TRAK1: variants seen among roughly 807,000 people sequenced by gnomAD.
TRAK1 encodes the protein trafficking kinesin protein 1, also known as trafficking kinesin-binding protein 1.
A neutral mutation model predicts 92.1 loss-of-function variants in TRAK1; 33 were observed. The ratio of observed to expected loss-of-function variants is 0.36; its 90% CI spans 0.27 to 0.48. The LOEUF is 0.48. Ranked by LOEUF, TRAK1 falls within the 20% of genes least tolerant of loss-of-function variation. The pLI, the probability that TRAK1 is intolerant of heterozygous loss-of-function variation, is 0.99. For missense variants in TRAK1, 1,123 were observed against 1,257.9 expected (o/e 0.89, Z 1.62); for synonymous variants, 521 against 517.3 (o/e 1.01, Z -0.10).
intron 13 of TRAK1, chr3:42,203,086 T>G: frequency 8.1e-7 from 1 of 1,232,416 alleles, no homozygotes; most frequent in East Asian, 3.1e-5. Flanking sequence ...GCTAACTGAT[T>G]CAAAAATTAA....
upstream of TRAK1, among the ~76,000 whole-genome samples, chr3:42,088,890 A>C (rs1704833260): frequency 6.6e-6 from 1 of 151,996 alleles, no homozygotes; most frequent in Non-Finnish European, 1.5e-5. Flanking sequence ...CTTTGCTCTT[A>C]TGTGTGCACC....
intron 1 of TRAK1, among the ~76,000 whole-genome samples, chr3:42,016,654 G>A (rs1192153110): frequency 6.6e-6 from 1 of 152,148 alleles, no homozygotes; most frequent in Non-Finnish European, 1.5e-5. Flanking sequence ...TCTCCTCTCC[G>A]TCAGCTGTCG....
At chr3:42,063,997 T>A (rs1703566159) in intron 1 of TRAK1, among the ~76,000 whole-genome samples, 2 of 152,204 alleles carry the variant, frequency 1.3e-5, no homozygotes, top group Admixed American at 1.3e-4. Context: ...TGAGAAGCCC[T>A]GGTGGCCATG....
intron 2 of TRAK1, among the ~76,000 whole-genome samples, chr3:42,146,932 A>G (rs2173335): frequency 0.51 from 77,416 of 152,048 alleles, 21,992 homozygotes; most frequent in East Asian, 0.94. Flanking sequence ...ACTGGCGAAC[A>G]TTGCTGATTT....
Position 42,048,566 on chromosome 3 carries a change from C to CTT in TRAK1, c.-519+34463_-519+34464dup, listed in dbSNP as rs373744402. The stretch of plus-strand genomic sequence containing the variant: ...TCTTTTTTTCCTCTACAGTTCTTTT[C>CTT]TTTTTTTTTTTTTTTGAGACAGTGT... On this transcript the variant is annotated intron_variant, in intron 1 of 16. Coordinates refer to the TRAK1 transcript ENST00000487159. Among the ~76,000 whole-genome samples, 494 of 136,514 alleles carry CTT rather than the reference C, an allele frequency of 3.6e-3. 7 individuals are homozygous for CTT. Among genetic ancestry groups the CTT allele is most frequent in the African/African-American group, 9.2e-3 (335 of 36,462 alleles). 89.6% of individuals were successfully genotyped at this position (136,514 alleles called of 152,430 possible).
At chr3:42,024,944 G>A (rs938168873) in intron 1 of TRAK1, among the ~76,000 whole-genome samples, 1 of 152,164 alleles carries the variant, frequency 6.6e-6, no homozygotes, top group Non-Finnish European at 1.5e-5. Flanking sequence ...CAGTGCCAAC[G>A]TGAGTCTCCT....
At position 42,018,480 on chromosome 3, in the gene TRAK1, T is replaced by G. The variant is rs1336639865; in HGVS notation, c.-519+4363T>G. 5.3e-5 allele frequency among the ~76,000 whole-genome samples: 8 copies of G among 152,154 alleles called. No individual in the cohort carries two copies. The East Asian group carries it at 1.5e-3, about 29-fold the overall frequency. On this transcript the variant is annotated intron_variant, in intron 1 of 16. Transcript: ENST00000487159. ...AGAGGAAGTGGATTTTGTACTAACA[T>G]CCGACAAGGATGCTCCATCACAGTA...
chr3:42,114,174 G>T (rs1270925916), intron 1 of TRAK1, among the ~76,000 whole-genome samples: 1 of 151,980 alleles, frequency 6.6e-6, no homozygotes, highest in African/African-American at 2.4e-5. Context: ...ATTGCTTACT[G>T]TGGCTGAATA....
intron 8 of TRAK1, among the ~76,000 whole-genome samples, 168 bp downstream of exon 8, chr3:42,193,373 A>T (rs1706106258): frequency 6.6e-6 from 1 of 152,232 alleles, no homozygotes; most frequent in Admixed American, 6.5e-5. Flanking sequence ...GATTACCTGA[A>T]TTGGTGACGA....
At chr3:42,143,308 C>CTTTTTT (rs369435084) in intron 2 of TRAK1, among the ~76,000 whole-genome samples, 3 of 139,254 alleles carry the variant, frequency 2.2e-5, no homozygotes, top group Admixed American at 7.1e-5. Context: ...TGTACCTCTT[C>CTTTTTT]TTTTTTTTTT....
upstream of TRAK1, among the ~76,000 whole-genome samples, chr3:42,086,185 C>T (rs1704662995): frequency 1.3e-5 from 2 of 152,162 alleles, no homozygotes; most frequent in South Asian, 2.1e-4. Flanking sequence ...GTGCTGTTGC[C>T]GGCGCAGAGC....
At chr3:42,191,895 A>ATTTTTTGTTTTT (rs1705796665) in intron 7 of TRAK1, among the ~76,000 whole-genome samples, 1 of 72,764 alleles carries the variant, frequency 1.4e-5, no homozygotes, top group African/African-American at 5.8e-5. Flanking sequence ...GAATATTGGA[A>ATTTTTTGTTTTT]TTTTTTTTTT....
chr3:42,027,638 A>G (rs1021354620), intron 1 of TRAK1, among the ~76,000 whole-genome samples: 1 of 152,186 alleles, frequency 6.6e-6, no homozygotes, highest in African/African-American at 2.4e-5. Context: ...TGTAGAAAAT[A>G]TTTTTTAAAA....
chr3:42,040,924 C>A (rs1442972853), intron 1 of TRAK1, among the ~76,000 whole-genome samples: 1 of 152,102 alleles, frequency 6.6e-6, no homozygotes, highest in Non-Finnish European at 1.5e-5. Flanking sequence ...AGTGATCTGC[C>A]CGCCTTGGCC....
At chr3:42,145,542 A>G (rs1228406500) in intron 2 of TRAK1, 1 of 152,484 alleles carries the variant, frequency 6.6e-6, no homozygotes, top group Non-Finnish European at 1.5e-5. Context: ...TATGATTTGT[A>G]AACAATAAAA....
chr3:42,042,577 G>A (rs1375628013), intron 1 of TRAK1, among the ~76,000 whole-genome samples: 3 of 151,994 alleles, frequency 2.0e-5, no homozygotes, highest in Non-Finnish European at 2.9e-5. Flanking sequence ...TGCCATGTTG[G>A]CCAGGTTGGT....
chr3:42,045,578 G>C (rs1415078066), intron 1 of TRAK1, among the ~76,000 whole-genome samples: 2 of 152,196 alleles, frequency 1.3e-5, no homozygotes, highest in African/African-American at 4.8e-5. Flanking sequence ...CTGTGAGGTG[G>C]TGGGTCAGCA....
chr3:42,168,256 T>G (rs924092613), intron 2 of TRAK1, among the ~76,000 whole-genome samples: 2 of 152,172 alleles, frequency 1.3e-5, no homozygotes, highest in African/African-American at 4.8e-5. Context: ...TTCTAAACAA[T>G]TTTGCTATGT....
intron 1 of TRAK1, among the ~76,000 whole-genome samples, chr3:42,065,256 T>A (rs960066847): frequency 1.3e-5 from 2 of 152,006 alleles, no homozygotes; most frequent in African/African-American, 4.8e-5. Context: ...CCATCTCAAA[T>A]AAATAAATAA....
Sources: gnomAD v4.1 joint callset for allele counts (sites outside exome capture counted in the v4.1 genomes callset) on GRCh38, gnomAD v4.1.1 for gene constraint, MANE v1.5 for transcripts, NCBI Gene and HGNC (gene_info 2026-07-23, HGNC 2026-07-21) for gene names.